Variants in SNCB observed in about 807,000 individuals in gnomAD.
SNCB encodes the protein beta-synuclein.
SNCB carries 8 observed loss-of-function variants against 20.0 expected under a neutral mutation model. The observed-to-expected ratio is 0.40, with a 90% confidence interval of 0.24 to 0.72. The LOEUF (loss-of-function observed/expected upper bound fraction) is 0.72, where lower values mean the gene tolerates loss of function less well. Among genes scored for constraint, SNCB ranks in the 30% least tolerant of loss-of-function variants. The probability of loss-of-function intolerance (pLI) is 0.37; values close to 1 mark genes in which losing one functional copy is unlikely to be tolerated. For missense variants in SNCB, 125 were observed against 168.0 expected (o/e 0.74, Z 1.41); for synonymous variants, 56 against 65.4 (o/e 0.86, Z 0.69).
intron 4 of SNCB, among the ~76,000 whole-genome samples, chr5:176,622,307 AGGGAT>A (rs1561895943): frequency 6.6e-6 from 1 of 152,160 alleles, no homozygotes; most frequent in Non-Finnish European, 1.5e-5. Flanking sequence ...ACCAGAACCC[AGGGAT>A]GGAATGTAGT....
At chr5:176,622,661 TGA>T (rs1405592985) in intron 4 of SNCB, among the ~76,000 whole-genome samples, 1 of 151,110 alleles carries the variant, frequency 6.6e-6, no homozygotes, top group Admixed American at 6.6e-5. Flanking sequence ...AGAGCAGGGC[TGA>T]GTCTCACAAG....
Position 176,629,376 on chromosome 5 carries a change from A to T in SNCB, c.121+158T>A. 1.3e-6 allele frequency: 1 copy of T among 750,510 alleles called. No individual in the cohort carries two copies. Among genetic ancestry groups the T allele is most frequent in the Non-Finnish European group, 2.2e-6 (1 of 463,622 alleles). 46.5% of individuals were successfully genotyped at this position (750,510 alleles called of 1,614,324 possible). A position where few individuals can be genotyped will look rare whatever the true frequency, so the allele number is the denominator to read the frequency against. On this transcript the variant is annotated intron_variant, in intron 2 of 5. Transcript: ENST00000393693. This position sits in a 1 kb window ranked among gnomAD's most constrained non-coding sequence, Gnocchi z 4.1. ...TTTCCGGATACAGACCCAGGCTTCT[A>T]TGGGCTGGCTATGTCCCCTATGACC... is the stretch of plus-strand genomic sequence containing the variant.
intron 2 of SNCB, among the ~76,000 whole-genome samples, chr5:176,627,823 G>A (rs1349624737): frequency 6.6e-6 from 1 of 152,222 alleles, no homozygotes; most frequent in Non-Finnish European, 1.5e-5. Flanking sequence ...ATCGCTCACT[G>A]TCTGAAGTGG....
chr5:176,622,732 CTTTT>C lies in SNCB; in HGVS notation c.283-1433_283-1430del, dbSNP rs149031370. Among the ~76,000 whole-genome samples, 256 of 93,600 alleles carry C rather than the reference CTTTT, an allele frequency of 2.7e-3. 1 individual carries two copies. Among genetic ancestry groups the C allele is most frequent in the African/African-American group, 8.8e-3 (199 of 22,676 alleles). 61.4% of individuals were successfully genotyped at this position (93,600 alleles called of 152,430 possible). On this transcript the variant is annotated intron_variant, in intron 4 of 5. Coordinates refer to ENST00000393693, the MANE Select transcript of SNCB (RefSeq NM_003085.5). ...CAGAAGAGCATGGCCTTCATGATGA[CTTTT>C]TTTTTTTTTTTTTTTTTTTTGAGAC...
intron 4 of SNCB, among the ~76,000 whole-genome samples, chr5:176,622,814 G>A (rs371158310): frequency 3.7e-4 from 51 of 137,962 alleles, no homozygotes; most frequent in African/African-American, 1.2e-3. Context: ...TCGGCTCACC[G>A]CAACCTCAGC....
chr5:176,622,562 T>C (rs1386433410), intron 4 of SNCB, among the ~76,000 whole-genome samples: 2 of 151,670 alleles, frequency 1.3e-5, no homozygotes, highest in African/African-American at 4.9e-5. Flanking sequence ...AACCCAAATG[T>C]CCAACATCAG....
At chr5:176,624,392 C>G (rs1387389537) in intron 4 of SNCB, among the ~76,000 whole-genome samples, 1 of 152,166 alleles carries the variant, frequency 6.6e-6, no homozygotes, top group African/African-American at 2.4e-5. Context: ...GGTTATGGTG[C>G]CACATTGGGA....
chr5:176,621,295 T>C lies in SNCB; in HGVS notation c.291A>G (p.Glu97=). 5 of 1,613,146 alleles carry C rather than the reference T, an allele frequency of 3.1e-6. No homozygotes were observed. The highest frequency in any genetic ancestry group is 4.2e-6 in the Non-Finnish European group (5 of 1,179,636). The change falls in exon 5 of 6, where the codon GAA becomes GAG. Residue 97 remains glutamate (E), a synonymous_variant. Coordinates refer to ENST00000393693, the MANE Select transcript of SNCB (RefSeq NM_003085.5). The surrounding 1 kb of genome is among the most constrained non-coding windows in gnomAD (Gnocchi z 4.1). ...EEFPTDLKPE[E]VAQEAAEEPL... is the part of the protein sequence containing the mutation. ...GTTCTTCAGCAGCTTCCTGGGCCAC[T>C]TCCTCTGGCTGTGGGCAGAAAAGGT...
chr5:176,625,893 G>T (rs909391690), intron 4 of SNCB, among the ~76,000 whole-genome samples: 9 of 152,246 alleles, frequency 5.9e-5, no homozygotes, highest in African/African-American at 2.2e-4. Flanking sequence ...CCCCTTGCCT[G>T]TCTGTCCCAT....
chr5:176,622,379 A>G (rs1466998999), intron 4 of SNCB, among the ~76,000 whole-genome samples: 3 of 152,180 alleles, frequency 2.0e-5, no homozygotes, highest in African/African-American at 7.2e-5. Context: ...AGTCCCAGCT[A>G]CTTGGGAGGC....
intron 1 of SNCB, chr5:176,630,029 T>C: frequency 5.4e-6 from 1 of 185,256 alleles, no homozygotes; most frequent in South Asian, 1.2e-4. Context: ...CAAGCTCACG[T>C]GCACACACAG....
intron 4 of SNCB, among the ~76,000 whole-genome samples, chr5:176,624,818 C>CA (rs1202696856): frequency 0.01 from 1,369 of 133,040 alleles, 35 homozygotes; most frequent in Non-Finnish European, 0.014. Context: ...AAAAAAAAAA[C>CA]AAAAAAAAAC....
Position 176,629,464 on chromosome 5 carries a change from C to G in SNCB, c.121+70G>C. 6.4e-7 allele frequency: 1 copy of G among 1,557,078 alleles called. No homozygotes were observed. Among genetic ancestry groups the G allele is most frequent in the Non-Finnish European group, 8.8e-7 (1 of 1,138,382 alleles). ...CTGCCCAGAACCCCCCTCCCCGGGACCCGGCCCCAGCTCCACACTGTCGGG... is the reference window on the plus strand; with the variant it reads ...CTGCCCAGAACCCCCCTCCCCGGGAGCCGGCCCCAGCTCCACACTGTCGGG... On this transcript the variant is annotated intron_variant, in intron 2 of 5. Coordinates refer to ENST00000393693, the MANE Select transcript of SNCB (RefSeq NM_003085.5). The surrounding 1 kb of genome is among the most constrained non-coding windows in gnomAD (Gnocchi z 4.1).
Position 176,620,965 on chromosome 5 carries a change from T to C in SNCB, c.373-122A>G. ...AAGGAGGAATAGCACATTCCCCTTTTCCTGGGCAGGGGAGGAGCCTGGAAG... is the reference window on the plus strand; with the variant it reads ...AAGGAGGAATAGCACATTCCCCTTTCCCTGGGCAGGGGAGGAGCCTGGAAG... On this transcript the variant is annotated intron_variant, in intron 5 of 5. Transcript: ENST00000393693. The surrounding 1 kb of genome is among the most constrained non-coding windows in gnomAD (Gnocchi z 4.5). 1 of 922,970 alleles carries C rather than the reference T, an allele frequency of 1.1e-6. No individual in the cohort carries two copies. The allele number at this position is 922,970 out of a possible 1,614,324, so 57.2% of individuals were successfully genotyped here.
Position 176,620,500 on chromosome 5 carries a change from C to CTCGGATCT in SNCB, c.*303_*310dup, listed in dbSNP as rs1252326589. 1.9e-4 allele frequency: 79 copies of CTCGGATCT among 407,986 alleles called. No individual in the cohort carries two copies. The Middle Eastern group carries it at 4.6e-3, about 24-fold the overall frequency. The allele number at this position is 407,986 out of a possible 1,614,324, so 25.3% of individuals were successfully genotyped here. On this transcript the variant is annotated 3_prime_UTR_variant, in exon 6 of 6. Coordinates refer to ENST00000393693, the MANE Select transcript of SNCB (RefSeq NM_003085.5). This position sits in a 1 kb window ranked among gnomAD's most constrained non-coding sequence, Gnocchi z 4.5. ...GTCGGGGATCGGGGAGGAGCCGTCG[C>CTCGGATCT]TCGGATCTTCGTTTAAAAACACATA...
Position 176,630,260 on chromosome 5 carries a change from C to CCGGCG in SNCB, c.-10+15_-10+19dup, listed in dbSNP as rs993288087. On this transcript the variant is annotated intron_variant, in intron 1 of 5. Coordinates refer to ENST00000393693, the MANE Select transcript of SNCB (RefSeq NM_003085.5). ...TCCATCCTCATCCCGTTCCCCATCC[C>CCGGCG]CGGCGCGCGGCCGCCTCACCTGGAT... 2 of 152,440 alleles carry CCGGCG rather than the reference C, an allele frequency of 1.3e-5. No homozygotes were observed. The highest frequency in any genetic ancestry group is 2.9e-5 in the Non-Finnish European group (2 of 68,172). 9.4% of individuals were successfully genotyped at this position (152,440 alleles called of 1,614,324 possible). A position where few individuals can be genotyped will look rare whatever the true frequency, so the allele number is the denominator to read the frequency against.
intron 2 of SNCB, among the ~76,000 whole-genome samples, chr5:176,628,541 C>T (rs943979947): frequency 9.9e-5 from 15 of 152,172 alleles, no homozygotes; most frequent in African/African-American, 3.4e-4. Flanking sequence ...AAAGGGCCCT[C>T]GTGAACTGTC....
Position 176,629,983 on chromosome 5 carries a change from A to G in SNCB, c.-10+297T>C, listed in dbSNP as rs879451059. 1.9e-4 allele frequency: 59 copies of G among 306,044 alleles called. No homozygotes were observed. In the Middle Eastern group the frequency reaches 6.9e-3, roughly 36 times the overall value. 19.0% of individuals were successfully genotyped at this position (306,044 alleles called of 1,614,324 possible). A position where few individuals can be genotyped will look rare whatever the true frequency, so the allele number is the denominator to read the frequency against. On this transcript the variant is annotated intron_variant, in intron 1 of 5. Transcript: ENST00000393693. The surrounding 1 kb of genome is among the most constrained non-coding windows in gnomAD (Gnocchi z 4.1). ...GGACCCGCCTGTACACGCACGGCACAGTCACACGGTCATGCACACAAACAT... is the reference window on the plus strand; with the variant it reads ...GGACCCGCCTGTACACGCACGGCACGGTCACACGGTCATGCACACAAACAT...
intron 2 of SNCB, among the ~76,000 whole-genome samples, chr5:176,628,543 T>A (rs779796800): frequency 1.3e-5 from 2 of 152,288 alleles, no homozygotes; most frequent in Admixed American, 6.5e-5. Flanking sequence ...AGGGCCCTCG[T>A]GAACTGTCTC....
Sources: gnomAD v4.1 joint callset for allele counts (sites outside exome capture counted in the v4.1 genomes callset) on GRCh38, gnomAD v4.1.1 for gene constraint, Gnocchi (gnomAD v3.1) non-coding constraint, MANE v1.5 for transcripts, NCBI Gene and HGNC (gene_info 2026-07-23, HGNC 2026-07-21) for gene names.